Variants in DPP10 observed in about 807,000 individuals in gnomAD.
DPP10 encodes dipeptidyl peptidase like 10.
A neutral mutation model predicts 120.9 loss-of-function variants in DPP10; 33 were observed. That is an observed-to-expected ratio of 0.27 (90% CI 0.21 to 0.37). The LOEUF is 0.37. Among genes scored for constraint, DPP10 ranks in the 10% least tolerant of loss-of-function variants. The pLI is 1.00. For synonymous variants in DPP10, 337 were observed against 326.1 expected (o/e 1.03, Z -0.36); for missense variants, 816 against 942.8 (o/e 0.87, Z 1.76).
intron 1 of DPP10, among the ~76,000 whole-genome samples, chr2:115,261,451 G>A (rs901994089): frequency 6.6e-6 from 1 of 152,154 alleles, no homozygotes; most frequent in Non-Finnish European, 1.5e-5. Context: ...GGCATCGTGA[G>A]GAATTCCCAT....
chr2:115,739,952 A>G (rs1550853), intron 9 of DPP10, 59 bp downstream of exon 9: 1,557,038 of 1,563,978 alleles, frequency 1, 775,333 homozygotes, highest in East Asian at 1. Context: ...GTGACTTGAC[A>G]GATGGTATTC....
intron 1 of DPP10, among the ~76,000 whole-genome samples, chr2:115,133,145 G>GTGTGTGTGTGTGTATATA (rs1338395575): frequency 3.5e-5 from 1 of 28,760 alleles, no homozygotes; most frequent in African/African-American, 1.3e-4. Context: ...GTGTGTGTGT[G>GTGTGTGTGTGTGTATATA]TATATATATA....
intron 2 of DPP10, among the ~76,000 whole-genome samples, chr2:115,312,772 C>T (rs1021475810): frequency 6.6e-6 from 1 of 152,154 alleles, no homozygotes; most frequent in African/African-American, 2.4e-5. Flanking sequence ...AATATGTTCT[C>T]AAGGCCTAGC....
At chr2:115,349,665 A>G (rs2063898620) in intron 3 of DPP10, among the ~76,000 whole-genome samples, 2 of 152,136 alleles carry the variant, frequency 1.3e-5, no homozygotes, top group South Asian at 4.1e-4. Flanking sequence ...TATGAAAAAC[A>G]AGAAACATTA....
At chr2:114,706,481 G>A (rs1700691908) in intron 1 of DPP10, among the ~76,000 whole-genome samples, 2 of 152,122 alleles carry the variant, frequency 1.3e-5, no homozygotes, top group African/African-American at 2.4e-5. Context: ...GGTGATTTTG[G>A]TAACACTTGG....
chr2:114,922,465 G>A (rs1695267975), intron 1 of DPP10, among the ~76,000 whole-genome samples: 1 of 151,996 alleles, frequency 6.6e-6, no homozygotes, highest in Non-Finnish European at 1.5e-5. Context: ...GGCATGCGTA[G>A]CCATGCTTGT....
At chr2:115,308,652 C>T (rs1247397394) in intron 1 of DPP10, among the ~76,000 whole-genome samples, 1 of 150,544 alleles carries the variant, frequency 6.6e-6, no homozygotes, top group Non-Finnish European at 1.5e-5. Flanking sequence ...TCATTAACCA[C>T]TGGTATAGAA....
At chr2:115,194,533 G>A (rs1264671583) in intron 1 of DPP10, among the ~76,000 whole-genome samples, 3 of 152,276 alleles carry the variant, frequency 2.0e-5, no homozygotes, top group Non-Finnish European at 4.4e-5. Context: ...AGATGGAATG[G>A]CTGCTTGAGG....
At chr2:115,070,380 T>C (rs2105449429) in intron 1 of DPP10, among the ~76,000 whole-genome samples, 1 of 152,286 alleles carries the variant, frequency 6.6e-6, no homozygotes, top group Middle Eastern at 3.4e-3. Flanking sequence ...TTGATCAATG[T>C]TCAGAACAAA....
chr2:115,320,312 C>A (rs2061997790), intron 2 of DPP10, among the ~76,000 whole-genome samples: 1 of 152,100 alleles, frequency 6.6e-6, no homozygotes, highest in Admixed American at 6.6e-5. Flanking sequence ...CATTTTCAGC[C>A]TTTTGAATGG....
intron 21 of DPP10, among the ~76,000 whole-genome samples, chr2:115,818,070 G>A (rs961386792): frequency 3.3e-5 from 5 of 152,096 alleles, no homozygotes; most frequent in African/African-American, 1.2e-4. Flanking sequence ...GAGGGATGGA[G>A]GGGTGACAAA....
chr2:115,417,314 C>T (rs1559572546), intron 3 of DPP10, among the ~76,000 whole-genome samples: 3 of 152,038 alleles, frequency 2.0e-5, no homozygotes, highest in Non-Finnish European at 4.4e-5. Context: ...CCTCTTTTAG[C>T]TCTTAGAAAA....
At chr2:115,398,061 A>T (rs1039164822) in intron 3 of DPP10, among the ~76,000 whole-genome samples, 1 of 152,162 alleles carries the variant, frequency 6.6e-6, no homozygotes, top group African/African-American at 2.4e-5. Context: ...TAAGATGTTC[A>T]TCACACAAAC....
At chr2:114,863,792 T>C (rs562041952) in intron 1 of DPP10, among the ~76,000 whole-genome samples, 1 of 152,308 alleles carries the variant, frequency 6.6e-6, no homozygotes, top group South Asian at 2.1e-4. Flanking sequence ...GTATTTTTAT[T>C]AGCAGTGCAA....
At chr2:114,729,059 G>A (rs969537003) in intron 1 of DPP10, among the ~76,000 whole-genome samples, 1 of 152,216 alleles carries the variant, frequency 6.6e-6, no homozygotes, top group Non-Finnish European at 1.5e-5. Flanking sequence ...CTGAGCGGCT[G>A]TGATTAGAGC....
At chr2:115,395,805 C>G (rs1238783585) in intron 3 of DPP10, among the ~76,000 whole-genome samples, 1 of 151,634 alleles carries the variant, frequency 6.6e-6, no homozygotes. Context: ...GATTGTCTCC[C>G]CATCTAGTTT....
chr2:114,940,413 G>A (rs1330324177), intron 1 of DPP10, among the ~76,000 whole-genome samples: 1 of 152,102 alleles, frequency 6.6e-6, no homozygotes, highest in Admixed American at 6.6e-5. Flanking sequence ...AGGGATCAGA[G>A]AGAGAGAAAG....
intron 1 of DPP10, among the ~76,000 whole-genome samples, chr2:114,951,587 T>C (rs1013255596): frequency 6.6e-6 from 1 of 152,120 alleles, no homozygotes; most frequent in Admixed American, 6.5e-5. Flanking sequence ...AAAAAGAAGG[T>C]TTTTTAATAA....
chr2:115,595,806 AT>A (rs1310029198), intron 5 of DPP10, among the ~76,000 whole-genome samples: 2 of 152,062 alleles, frequency 1.3e-5, no homozygotes, highest in Non-Finnish European at 2.9e-5. Flanking sequence ...AAACCTTTAA[AT>A]GAGTCAGAAT....
Sources: gnomAD v4.1 joint callset for allele counts (sites outside exome capture counted in the v4.1 genomes callset) on GRCh38, gnomAD v4.1.1 for gene constraint, MANE v1.5 for transcripts, NCBI Gene and HGNC (gene_info 2026-07-23, HGNC 2026-07-21) for gene names.